CEP128: variants seen among roughly 807,000 people sequenced by gnomAD.
The protein encoded by CEP128 is centrosomal protein 128.
A neutral mutation model predicts 156.7 loss-of-function variants in CEP128; 132 were observed. The ratio of observed to expected loss-of-function variants is 0.84; its 90% confidence interval spans 0.73 to 0.97. The LOEUF (loss-of-function observed/expected upper bound fraction) is 0.97. Among genes scored for constraint, CEP128 ranks in the 50% least tolerant of loss-of-function variants. CEP128 has a pLI of 0.00. For missense variants in CEP128, 1,252 were observed against 1,281.9 expected, an observed-to-expected ratio of 0.98 and a Z score of 0.36; for synonymous variants, 469 against 448.9, an observed-to-expected ratio of 1.04 and a Z score of -0.57.
chr14:80,695,165 C>A (rs188150121), intron 19 of CEP128, among the ~76,000 whole-genome samples: 13 of 151,194 alleles, frequency 8.6e-5, no homozygotes, highest in Non-Finnish European at 1.5e-5. Flanking sequence ...AAAGAAGTTG[C>A]CCATCATGGG....
At chr14:80,596,567 G>C (rs916444769) in intron 19 of CEP128, among the ~76,000 whole-genome samples, 1 of 152,044 alleles carries the variant, frequency 6.6e-6, no homozygotes, top group Non-Finnish European at 1.5e-5. Flanking sequence ...CCAGAGCTTT[G>C]GGAGGCTGAG....
In CEP128 at chr14:80,530,879, T is replaced by G. The variant is rs778429297; in HGVS notation, c.2888A>C (p.Gln963Pro). 6.2e-7 allele frequency: 1 copy of G among 1,602,084 alleles called. No homozygotes were observed. The highest frequency in any genetic ancestry group is 1.3e-5 in the African/African-American group (1 of 74,564). ...AGACTCCAGATGGTCCAAGGCCACT[T>G]GGGTACTCTGAAATAGAAAACATAA... ...DRVIALETST[Q>P]VALDHLESVP... Residue 963 changes from glutamine to proline, a missense_variant, in exon 22 of 25, where the codon CAA (glutamine) becomes CCA (proline). By Grantham distance (76) the Gln-to-Pro change is moderately conservative. Coordinates refer to ENST00000555265, the MANE Select transcript of CEP128 (RefSeq NM_152446.5).
At chr14:80,589,072 T>C (rs1400289472) in intron 19 of CEP128, among the ~76,000 whole-genome samples, 1 of 151,994 alleles carries the variant, frequency 6.6e-6, no homozygotes, top group East Asian at 1.9e-4. Flanking sequence ...GAAGACACTG[T>C]GAAAAAGACT....
At chr14:80,482,616 TGAAAA>T (rs1887078416) in intron 14 of CEP128, among the ~76,000 whole-genome samples, 1 of 152,104 alleles carries the variant, frequency 6.6e-6, no homozygotes, top group East Asian at 1.9e-4. Flanking sequence ...ACAAGACACA[TGAAAA>T]GCACATTATC....
chr14:80,528,360 T>G (rs1265513112), intron 22 of CEP128, among the ~76,000 whole-genome samples: 1 of 152,212 alleles, frequency 6.6e-6, no homozygotes, highest in African/African-American at 2.4e-5. Flanking sequence ...ACGATCTCAG[T>G]GCACTGCAAC....
intron 19 of CEP128, among the ~76,000 whole-genome samples, chr14:80,672,053 C>A (rs72690940): frequency 0.13 from 19,785 of 152,068 alleles, 1,571 homozygotes; most frequent in Non-Finnish European, 0.2. Context: ...TAAATTCTGA[C>A]CTTGAAGACT....
Position 80,743,140 on chromosome 14 carries a change from T to C in CEP128, c.2741A>G (p.Gln914Arg), listed in dbSNP as rs1898918703. 1.9e-6 allele frequency: 3 copies of C among 1,613,686 alleles called. No homozygotes were observed. Among genetic ancestry groups the C allele is most frequent in the Admixed American group, 1.7e-5 (1 of 59,962 alleles). ...CCTTTCTATCTGTTGAAAGAGACACTGCAACTCAGATTCCTTGTTTTCAGT... is the reference window on the plus strand; with the variant it reads ...CCTTTCTATCTGTTGAAAGAGACACCGCAACTCAGATTCCTTGTTTTCAGT... ...NLTENKESELQCLFQQIERQE... is the reference protein window; with the variant it reads ...NLTENKESELRCLFQQIERQE... The change falls in exon 19 of 25, where the codon CAG (glutamine) becomes CGG (arginine). Residue 914 changes from glutamine to arginine, a missense_variant. Gln to Arg is a conservative substitution (Grantham distance 43). Coordinates refer to ENST00000555265, the MANE Select transcript of CEP128 (RefSeq NM_152446.5).
intron 20 of CEP128, among the ~76,000 whole-genome samples, chr14:80,572,478 T>C (rs778018563): frequency 7.2e-5 from 11 of 152,164 alleles, no homozygotes; most frequent in Non-Finnish European, 1.5e-4. Flanking sequence ...TGGATTAACA[T>C]AGATATTTGC....
chr14:80,818,028 T>A (rs1884964837), intron 13 of CEP128, among the ~76,000 whole-genome samples: 1 of 152,006 alleles, frequency 6.6e-6, no homozygotes, highest in Non-Finnish European at 1.5e-5. Flanking sequence ...CTCAGAGAAA[T>A]GACTAGAAAT....
intron 20 of CEP128, among the ~76,000 whole-genome samples, chr14:80,559,744 C>G (rs943759161): frequency 2.6e-5 from 4 of 152,134 alleles, no homozygotes; most frequent in Non-Finnish European, 4.4e-5. Flanking sequence ...GAAATTCAGA[C>G]ATATCTTCAT....
chr14:80,622,695 A>G (rs1480327945), intron 19 of CEP128, among the ~76,000 whole-genome samples: 3 of 150,506 alleles, frequency 2.0e-5, no homozygotes, highest in African/African-American at 4.9e-5. Flanking sequence ...GCAGCCAAAA[A>G]ACACATGAAA....
At chr14:80,681,553 A>G (rs1896323976) in intron 19 of CEP128, among the ~76,000 whole-genome samples, 1 of 152,182 alleles carries the variant, frequency 6.6e-6, no homozygotes, top group Non-Finnish European at 1.5e-5. Context: ...GTGGGAGGTA[A>G]TTGAATCACG....
At chr14:80,666,283 C>T (rs1288328418) in intron 19 of CEP128, among the ~76,000 whole-genome samples, 2 of 152,224 alleles carry the variant, frequency 1.3e-5, no homozygotes, top group Non-Finnish European at 2.9e-5. Context: ...AGGGAAGTGC[C>T]TGACTCTAGC....
At chr14:80,521,752 A>G (rs371472198) in intron 23 of CEP128, among the ~76,000 whole-genome samples, 2 of 152,246 alleles carry the variant, frequency 1.3e-5, no homozygotes, top group African/African-American at 4.8e-5. Context: ...TTTTAAAATC[A>G]CCAGTTTAAC....
At chr14:80,594,858 C>A (rs918069416) in intron 19 of CEP128, among the ~76,000 whole-genome samples, 1 of 152,206 alleles carries the variant, frequency 6.6e-6, no homozygotes, top group African/African-American at 2.4e-5. Flanking sequence ...AATAGGAACA[C>A]TTTTACACTG....
intron 15 of CEP128, among the ~76,000 whole-genome samples, chr14:80,782,780 T>C (rs535324420): frequency 6.6e-6 from 1 of 152,324 alleles, no homozygotes; most frequent in South Asian, 2.1e-4. Context: ...CTTTTTATAC[T>C]TCTTCTTTCA....
intron 19 of CEP128, among the ~76,000 whole-genome samples, chr14:80,682,883 A>C (rs11848607): frequency 2.0e-5 from 3 of 152,112 alleles, no homozygotes; most frequent in Non-Finnish European, 4.4e-5. Flanking sequence ...TTTTCCAGAC[A>C]ATCAAGTGCT....
Position 80,953,235 on chromosome 14 carries a change from C to G in CEP128, c.-172+4943G>C, listed in dbSNP as rs1251621704. Among the ~76,000 whole-genome samples, 42 of 152,226 alleles carry G rather than the reference C, an allele frequency of 2.8e-4. 1 individual carries two copies. The highest frequency in any genetic ancestry group is 2.7e-3 in the Admixed American group (42 of 15,290). On this transcript the variant is annotated intron_variant, in intron 2 of 7. Coordinates refer to the CEP128 transcript ENST00000555529. ...ACAGACTACTATCCCTTGTGAACGT[C>G]TATGTAAAACTTTTAAACAGAATTT...
At chr14:80,623,185 C>G (rs1389365803) in intron 19 of CEP128, among the ~76,000 whole-genome samples, 1 of 151,704 alleles carries the variant, frequency 6.6e-6, no homozygotes, top group Non-Finnish European at 1.5e-5. Context: ...TGGAAATCAT[C>G]ATTCTCAGTA....
Sources: allele counts gnomAD v4.1 joint callset (sites outside exome capture counted in the v4.1 genomes callset), GRCh38; gene constraint gnomAD v4.1.1; transcripts MANE v1.5; gene names NCBI Gene and HGNC (gene_info 2026-07-23, HGNC 2026-07-21).